The following MECOM variants were observed in gnomAD, a reference collection of about 807,000 sequenced individuals.
The protein encoded by MECOM is MDS1 and EVI1 complex locus, also known as histone-lysine N-methyltransferase MECOM.
MECOM carries 13 observed loss-of-function variants against 116.3 expected under a neutral mutation model. The ratio of observed to expected loss-of-function variants is 0.11; its 90% CI spans 0.07 to 0.18. MECOM has a LOEUF of 0.18. Ranked by LOEUF, MECOM falls within the 10% of genes least tolerant of loss-of-function variation. The probability of loss-of-function intolerance (pLI) is 1.00; values close to 1 mark genes in which losing one functional copy is unlikely to be tolerated. For synonymous variants in MECOM, 528 were observed against 535.2 expected, an observed-to-expected ratio of 0.99 and a Z score of 0.19; for missense variants, 1,299 against 1,509.0, an observed-to-expected ratio of 0.86 and a Z score of 2.31.
chr3:169,093,221 T>C, intron 13 of MECOM, 119 bp from the exon 14 acceptor site: 1 of 991,442 alleles, frequency 1.0e-6, no homozygotes, highest in South Asian at 1.8e-5. Flanking sequence ...CTATGAATAT[T>C]AATAATAATA....
intron 1 of MECOM, among the ~76,000 whole-genome samples, chr3:169,401,639 C>G (rs1735924006): frequency 6.6e-6 from 1 of 152,070 alleles, no homozygotes; most frequent in Non-Finnish European, 1.5e-5. Context: ...AAGAAGTGGC[C>G]ACACCCAAGA....
chr3:169,389,382 T>A (rs1174021089), intron 1 of MECOM, among the ~76,000 whole-genome samples: 1 of 152,218 alleles, frequency 6.6e-6, no homozygotes, highest in African/African-American at 2.4e-5. Context: ...CATGAGCTGG[T>A]TAATGTTTGG....
At chr3:169,583,700 T>C (rs755789535) in intron 1 of MECOM, among the ~76,000 whole-genome samples, 1 of 152,082 alleles carries the variant, frequency 6.6e-6, no homozygotes, top group Non-Finnish European at 1.5e-5. Flanking sequence ...GTCACCCAGA[T>C]TGGATGCAAA....
At chr3:169,238,823 A>G (rs574768857) in intron 2 of MECOM, among the ~76,000 whole-genome samples, 7 of 152,284 alleles carry the variant, frequency 4.6e-5, no homozygotes, top group African/African-American at 1.7e-4. Flanking sequence ...AAAAACCACT[A>G]TGAATATATA....
intron 1 of MECOM, among the ~76,000 whole-genome samples, chr3:169,653,063 A>G (rs1409996199): frequency 6.6e-6 from 1 of 152,206 alleles, no homozygotes; most frequent in Non-Finnish European, 1.5e-5. Context: ...AAAATGAGGG[A>G]CATTATTGGT....
At chr3:169,269,558 C>T (rs951197494) in intron 2 of MECOM, among the ~76,000 whole-genome samples, 21 of 152,132 alleles carry the variant, frequency 1.4e-4, no homozygotes, top group African/African-American at 4.3e-4. Flanking sequence ...TGTAGGTTTG[C>T]CATGGCAGAA....
At chr3:169,563,487 T>C (rs954512176) in intron 1 of MECOM, among the ~76,000 whole-genome samples, 1 of 152,184 alleles carries the variant, frequency 6.6e-6, no homozygotes, top group South Asian at 2.1e-4. Flanking sequence ...CCCAAAACAG[T>C]CAAGCCCAAC....
intron 2 of MECOM, among the ~76,000 whole-genome samples, chr3:169,191,740 GAGAA>G (rs71166250): frequency 2.8e-3 from 181 of 64,310 alleles, no homozygotes; most frequent in Middle Eastern, 8.1e-3. Context: ...AAGAAAGAAA[GAGAA>G]AGAAAGAAAG....
intron 2 of MECOM, among the ~76,000 whole-genome samples, chr3:169,374,082 G>A (rs562041672): frequency 9.2e-5 from 14 of 151,594 alleles, no homozygotes; most frequent in African/African-American, 2.4e-4. Context: ...CAATCCAATA[G>A]GATTAGTGTC....
chr3:169,247,423 A>G (rs988778791), intron 2 of MECOM, among the ~76,000 whole-genome samples: 1 of 151,964 alleles, frequency 6.6e-6, no homozygotes, highest in African/African-American at 2.4e-5. Context: ...CTCCTGCTTC[A>G]GCCTCCTGAG....
chr3:169,320,606 T>C (rs1316715723), intron 2 of MECOM, among the ~76,000 whole-genome samples: 2 of 152,078 alleles, frequency 1.3e-5, no homozygotes, highest in Non-Finnish European at 2.9e-5. Flanking sequence ...AGGAAGGGAA[T>C]GGGATGGTCC....
At chr3:169,371,842 C>T (rs1042464573) in intron 2 of MECOM, among the ~76,000 whole-genome samples, 9 of 151,918 alleles carry the variant, frequency 5.9e-5, no homozygotes, top group Non-Finnish European at 8.8e-5. Context: ...GCTGTTGTTG[C>T]CATTTTAATG....
intron 4 of MECOM, among the ~76,000 whole-genome samples, chr3:169,128,552 T>A (rs151279577): frequency 7.6e-4 from 116 of 152,268 alleles, no homozygotes; most frequent in African/African-American, 2.7e-3. Context: ...ACACTTCTTA[T>A]TATGCCAGTG....
chr3:169,414,993 G>T (rs1738291691), intron 1 of MECOM, among the ~76,000 whole-genome samples: 1 of 152,150 alleles, frequency 6.6e-6, no homozygotes, highest in African/African-American at 2.4e-5. Context: ...CTGCAACCTA[G>T]CAAGACAAGC....
chr3:169,194,652 A>AC (rs1748173127), intron 2 of MECOM, among the ~76,000 whole-genome samples: 1 of 151,998 alleles, frequency 6.6e-6, no homozygotes, highest in East Asian at 1.9e-4. Context: ...TGTATTTTCC[A>AC]TGCTGACACT....
At chr3:169,115,361 G>A (rs193263667) in intron 8 of MECOM, 22 bp downstream of exon 8, 240 of 1,601,548 alleles carry the variant, frequency 1.5e-4, no homozygotes, top group Non-Finnish European at 1.9e-4. Context: ...CTCATATTTC[G>A]TCATCTTCCA....
intron 2 of MECOM, among the ~76,000 whole-genome samples, chr3:169,288,125 A>G (rs1713739313): frequency 6.6e-6 from 1 of 152,170 alleles, no homozygotes; most frequent in South Asian, 2.1e-4. Flanking sequence ...TCTTGGGTTC[A>G]GAGAATACAA....
chr3:169,450,103 A>G (rs1745302968), intron 1 of MECOM, among the ~76,000 whole-genome samples: 1 of 152,134 alleles, frequency 6.6e-6, no homozygotes. Flanking sequence ...TTCCCTCTAA[A>G]ATGGCATTAC....
intron 2 of MECOM, among the ~76,000 whole-genome samples, chr3:169,185,007 G>C (rs1054965765): frequency 6.6e-6 from 1 of 152,174 alleles, no homozygotes. Context: ...TGAGAAATAA[G>C]GTAGATGGTG....
Sources: gnomAD v4.1 joint callset for allele counts (sites outside exome capture counted in the v4.1 genomes callset) on GRCh38, gnomAD v4.1.1 for gene constraint, MANE v1.5 for transcripts, NCBI Gene and HGNC (gene_info 2026-07-23, HGNC 2026-07-21) for gene names.